The following KCNAB1 variants were observed in gnomAD, a reference collection of about 807,000 sequenced individuals.
KCNAB1 encodes the protein potassium voltage-gated channel subfamily A regulatory beta subunit 1.
In KCNAB1, 35 loss-of-function variants were observed where a neutral mutation model predicts 64.6. That is an observed-to-expected ratio of 0.54 (90% CI 0.41 to 0.72). The LOEUF is 0.72. Among genes scored for constraint, KCNAB1 ranks in the 30% least tolerant of loss-of-function variants. KCNAB1 has a pLI of 0.00. For synonymous variants in KCNAB1, 177 were observed against 183.8 expected (o/e 0.96, Z 0.30); for missense variants, 401 against 512.9 (o/e 0.78, Z 2.11).
chr3:156,451,984 A>G (rs1333449921), intron 2 of KCNAB1, among the ~76,000 whole-genome samples: 1 of 152,150 alleles, frequency 6.6e-6, no homozygotes, highest in African/African-American at 2.4e-5. Flanking sequence ...CATTTGTCAA[A>G]TGGTCTTATA....
chr3:156,408,763 G>C (rs1183189669), intron 1 of KCNAB1, among the ~76,000 whole-genome samples: 2 of 151,650 alleles, frequency 1.3e-5, no homozygotes, highest in African/African-American at 2.4e-5. Context: ...CTGGGTGACA[G>C]AGTGAGACTC....
At chr3:156,222,934 G>A (rs1470702324) in intron 1 of KCNAB1, among the ~76,000 whole-genome samples, 1 of 152,202 alleles carries the variant, frequency 6.6e-6, no homozygotes. Context: ...CAAAAGCAGT[G>A]CTAAGAGGAA....
intron 1 of KCNAB1, among the ~76,000 whole-genome samples, chr3:156,123,436 T>A (rs1014532355): frequency 6.6e-6 from 1 of 152,238 alleles, no homozygotes; most frequent in East Asian, 1.9e-4. Context: ...TCTATGGTAA[T>A]TTATATTTGA....
intron 1 of KCNAB1, among the ~76,000 whole-genome samples, chr3:156,164,423 T>C (rs1716253288): frequency 1.3e-5 from 2 of 152,184 alleles, no homozygotes; most frequent in Admixed American, 1.3e-4. Flanking sequence ...CCTCCCTACA[T>C]GCCCCTGTTT....
rs1711506285 is a variant in KCNAB1, at chr3:156,373,962, G to A, written c.276-47654G>A. On this transcript the variant is annotated intron_variant, in intron 1 of 13. Coordinates refer to ENST00000490337, the MANE Select transcript of KCNAB1 (RefSeq NM_172160.3). ...AATGGGGTAGCTCATGAAAGATCTGGAGGGAAGCAGGTTAAGAGGAGCCAA... is the reference window on the plus strand; with the variant it reads ...AATGGGGTAGCTCATGAAAGATCTGAAGGGAAGCAGGTTAAGAGGAGCCAA... Among the ~76,000 whole-genome samples the A allele has an allele frequency of 2.0e-5, 3 of 152,226 alleles. No homozygotes were observed. In the South Asian group the frequency reaches 6.2e-4, roughly 32 times the overall value.
At chr3:156,258,754 C>T (rs1289868393) in intron 1 of KCNAB1, among the ~76,000 whole-genome samples, 1 of 152,178 alleles carries the variant, frequency 6.6e-6, no homozygotes, top group African/African-American at 2.4e-5. Context: ...CAATTAAAAG[C>T]CCCAAGCCAA....
intron 8 of KCNAB1, among the ~76,000 whole-genome samples, chr3:156,512,351 C>T (rs1302885319): frequency 2.0e-5 from 3 of 152,374 alleles, no homozygotes; most frequent in Non-Finnish European, 4.4e-5. Context: ...AGGACTCCCA[C>T]GTGCCCAAGC....
intron 1 of KCNAB1, among the ~76,000 whole-genome samples, chr3:156,366,927 A>G (rs1467055680): frequency 6.6e-6 from 1 of 152,224 alleles, no homozygotes; most frequent in Admixed American, 6.5e-5. Context: ...AGCTGCTGAG[A>G]ATAGGCATAA....
intron 1 of KCNAB1, among the ~76,000 whole-genome samples, chr3:156,299,151 G>T (rs957191126): frequency 2.6e-5 from 4 of 152,254 alleles, no homozygotes; most frequent in Admixed American, 6.5e-5. Flanking sequence ...AGTTCCTTAT[G>T]CTCCTTTCGC....
At chr3:156,314,709 T>A (rs1431840406) in intron 1 of KCNAB1, among the ~76,000 whole-genome samples, 1 of 152,256 alleles carries the variant, frequency 6.6e-6, no homozygotes, top group Non-Finnish European at 1.5e-5. Flanking sequence ...AAATAATTAA[T>A]TGCCCTTCAA....
intron 8 of KCNAB1, among the ~76,000 whole-genome samples, chr3:156,494,048 A>T (rs997672168): frequency 2.0e-5 from 3 of 152,128 alleles, no homozygotes; most frequent in African/African-American, 7.2e-5. Context: ...CCTGTTTCTC[A>T]TCAGGATGAT....
intron 1 of KCNAB1, among the ~76,000 whole-genome samples, chr3:156,420,392 T>C (rs1422206653): frequency 1.3e-5 from 2 of 152,360 alleles, no homozygotes; most frequent in East Asian, 1.9e-4. Flanking sequence ...TTTTTTATTA[T>C]GTTGTGCAAT....
chr3:156,402,161 A>G (rs975377766), intron 1 of KCNAB1, among the ~76,000 whole-genome samples: 35 of 151,956 alleles, frequency 2.3e-4, no homozygotes, highest in African/African-American at 3.4e-4. Flanking sequence ...TAAAAAAAAA[A>G]AGAGAGAAAA....
chr3:156,125,877 T>C (rs1265744186), intron 1 of KCNAB1, among the ~76,000 whole-genome samples: 1 of 152,180 alleles, frequency 6.6e-6, no homozygotes, highest in African/African-American at 2.4e-5. Context: ...TCTTAATTGA[T>C]GCAAGAAGTT....
chr3:156,318,878 AG>A (rs1722470883), intron 1 of KCNAB1, among the ~76,000 whole-genome samples: 1 of 152,188 alleles, frequency 6.6e-6, no homozygotes, highest in African/African-American at 2.4e-5. Flanking sequence ...AAGAAAACCA[AG>A]GCCCCAAGAC....
At chr3:156,260,524 A>G (rs1718370828) in intron 1 of KCNAB1, among the ~76,000 whole-genome samples, 2 of 152,146 alleles carry the variant, frequency 1.3e-5, no homozygotes, top group Admixed American at 1.3e-4. Context: ...TATAAAATAT[A>G]TAGTCTTTTT....
rs200591466 is a variant in KCNAB1 at position 156,193,880 on chromosome 3, A to G, written c.275+72994A>G. On this transcript the variant is annotated intron_variant, in intron 1 of 13. Coordinates refer to ENST00000490337, the MANE Select transcript of KCNAB1 (RefSeq NM_172160.3). Reference sequence around the variant, plus strand: ...GGTGTATTAAATGCATTTTCAACCTATGATATTTTTAACTTACAGTGGATT... The same window carrying G: ...GGTGTATTAAATGCATTTTCAACCTGTGATATTTTTAACTTACAGTGGATT... Among the ~76,000 whole-genome samples the G allele has an allele frequency of 2.6e-5, 4 of 152,218 alleles. No homozygotes were observed. In the East Asian group the frequency reaches 5.8e-4, roughly 22 times the overall value.
At chr3:156,536,342 C>T (rs555282364) in intron 13 of KCNAB1, among the ~76,000 whole-genome samples, 6 of 152,180 alleles carry the variant, frequency 3.9e-5, no homozygotes, top group Non-Finnish European at 8.8e-5. Context: ...ATTAATTTCA[C>T]TGTTCTTTTT....
chr3:156,387,419 G>A lies in KCNAB1; in HGVS notation c.276-34197G>A, dbSNP rs190586167. ...TGCAGGGGATTTAATGGGGTTTCAT[G>A]TTCTCAGATAAAAATGCACAGTCCT... is the stretch of plus-strand genomic sequence containing the variant. On this transcript the variant is annotated intron_variant, in intron 1 of 13. Transcript: ENST00000490337. 8.3e-4 allele frequency among the ~76,000 whole-genome samples: 127 copies of A among 152,274 alleles called. 2 individuals carry two copies. The highest frequency in any genetic ancestry group is 2.2e-4 in the Non-Finnish European group (15 of 68,010).
Sources: allele counts gnomAD v4.1 joint callset (sites outside exome capture counted in the v4.1 genomes callset), GRCh38; gene constraint gnomAD v4.1.1; transcripts MANE v1.5; gene names NCBI Gene and HGNC (gene_info 2026-07-23, HGNC 2026-07-21).